The following ZNF90 variants were observed in gnomAD, a reference collection of about 807,000 sequenced individuals.
The protein encoded by ZNF90 is zinc finger protein HTF9.
ZNF90 carries 11 observed loss-of-function variants against 12.0 expected under a neutral mutation model. The observed-to-expected ratio is 0.92, with a 90% CI of 0.58 to 1.52. The LOEUF is 1.52. ZNF90 is among the 40% of genes most tolerant of loss of function. The probability of loss-of-function intolerance (pLI) is 0.00; values close to 1 mark genes in which losing one functional copy is unlikely to be tolerated. For missense variants in ZNF90, 765 were observed against 711.5 expected, an observed-to-expected ratio of 1.08 and a Z score of -0.86; for synonymous variants, 232 against 240.1, an observed-to-expected ratio of 0.97 and a Z score of 0.31.
chr19:20,095,208 G>A (rs112917923), intron 1 of ZNF90, among the ~76,000 whole-genome samples: 2 of 152,010 alleles, frequency 1.3e-5, no homozygotes, highest in Non-Finnish European at 1.5e-5. Context: ...GGGAGGGAAC[G>A]AAGTGTGAAA....
At chr19:20,108,330 G>C (rs1283789511) in intron 3 of ZNF90, among the ~76,000 whole-genome samples, 1 of 152,128 alleles carries the variant, frequency 6.6e-6, no homozygotes, top group Non-Finnish European at 1.5e-5. Context: ...ATTTTTTGGA[G>C]AAGTAGTTAC....
chr19:20,081,999 C>T (rs547505515), intron 1 of ZNF90, among the ~76,000 whole-genome samples: 7 of 152,020 alleles, frequency 4.6e-5, no homozygotes, highest in East Asian at 1.9e-4. Context: ...CTCCTGACCT[C>T]GTGATCCACC....
chr19:20,093,411 T>C (rs2088917938), intron 1 of ZNF90, among the ~76,000 whole-genome samples: 1 of 152,014 alleles, frequency 6.6e-6, no homozygotes, highest in African/African-American at 2.4e-5. Flanking sequence ...GGGATGGTAA[T>C]GGGCATGTGA....
chr19:20,106,621 T>C (rs1156899676), intron 3 of ZNF90, among the ~76,000 whole-genome samples: 1 of 152,138 alleles, frequency 6.6e-6, no homozygotes, highest in East Asian at 1.9e-4. Context: ...GCCCAGCTAA[T>C]TTTTTGTATT....
rs1555704366 is a variant in ZNF90, at chr19:20,106,044, C to CATTTTTTTTTTTTTTTT, written c.226+728_226+729insATTTTTTTTTTTTTTTT. ...TTATTTGGAACTTCTCTAATTTTTTCTTTTTTTTTTTTTTTTTTTTTTTGG... is the reference window on the plus strand; with the variant it reads ...TTATTTGGAACTTCTCTAATTTTTTCATTTTTTTTTTTTTTTTTTTTTTTTTTTTTTTTTTTTTTTGG... On this transcript the variant is annotated intron_variant, in intron 3 of 3. Coordinates refer to ENST00000418063, the MANE Select transcript of ZNF90 (RefSeq NM_007138.2). Among the ~76,000 whole-genome samples, 8 of 71,052 alleles carry CATTTTTTTTTTTTTTTT rather than the reference C, an allele frequency of 1.1e-4. 1 individual carries two copies. The highest frequency in any genetic ancestry group is 2.7e-4 in the African/African-American group (5 of 18,802). 46.6% of individuals were successfully genotyped at this position (71,052 alleles called of 152,430 possible). A position where few individuals can be genotyped will look rare whatever the true frequency, so the allele number is the denominator to read the frequency against.
chr19:20,108,451 A>G (rs1295617197), intron 3 of ZNF90, among the ~76,000 whole-genome samples: 1 of 152,146 alleles, frequency 6.6e-6, no homozygotes, highest in Non-Finnish European at 1.5e-5. Context: ...CTGTTATTAC[A>G]GGCACTTGCC....
At chr19:20,086,711 T>C (rs1203499096) in intron 1 of ZNF90, among the ~76,000 whole-genome samples, 5 of 152,228 alleles carry the variant, frequency 3.3e-5, no homozygotes, top group African/African-American at 1.2e-4. Context: ...ACTATATACA[T>C]TATGACTAGT....
intron 3 of ZNF90, among the ~76,000 whole-genome samples, chr19:20,114,487 ATCTG>A (rs1483285958): frequency 5.3e-5 from 8 of 152,166 alleles, no homozygotes; most frequent in Admixed American, 4.6e-4. Flanking sequence ...CTTATACAAT[ATCTG>A]TCTGTTTGTG....
In ZNF90 at chr19:20,112,648, G is replaced by A. The variant is rs145526267; in HGVS notation, c.227-5133G>A. Among the ~76,000 whole-genome samples the A allele has an allele frequency of 1.0e-3, 159 of 152,254 alleles. 1 individual carries two copies. Among genetic ancestry groups the A allele is most frequent in the Non-Finnish European group, 1.6e-3 (109 of 68,006 alleles). On this transcript the variant is annotated intron_variant, in intron 3 of 3. Transcript: ENST00000418063. The stretch of plus-strand genomic sequence containing the variant: ...CTTGTAGTACATCTTGTAGGACTGC[G>A]CAAATGCTGATGAACCCTCTTAACT...
At chr19:20,090,740 C>T in intron 1 of ZNF90, among the ~76,000 whole-genome samples, 2 of 152,130 alleles carry the variant, frequency 1.3e-5, no homozygotes, top group Non-Finnish European at 2.9e-5. Flanking sequence ...TGGGATGAGG[C>T]TGGGGCCAAG....
chr19:20,094,125 G>C (rs2088924085), intron 1 of ZNF90, among the ~76,000 whole-genome samples: 1 of 152,218 alleles, frequency 6.6e-6, no homozygotes, highest in Non-Finnish European at 1.5e-5. Flanking sequence ...ATGCTTGACT[G>C]CTGTGGCTTA....
At chr19:20,096,812 C>T (rs2088950931) in intron 1 of ZNF90, among the ~76,000 whole-genome samples, 1 of 152,150 alleles carries the variant, frequency 6.6e-6, no homozygotes, top group East Asian at 1.9e-4. Flanking sequence ...AGCAGGAGTG[C>T]TGTAGCCCCC....
At chr19:20,085,360 T>G (rs138981165) in intron 1 of ZNF90, among the ~76,000 whole-genome samples, 1 of 149,274 alleles carries the variant, frequency 6.7e-6, no homozygotes, top group Non-Finnish European at 1.5e-5. Context: ...CCCGGGTTCA[T>G]GCCATTCTCC....
chr19:20,110,604 C>G (rs1333105018), intron 3 of ZNF90, among the ~76,000 whole-genome samples: 2 of 152,128 alleles, frequency 1.3e-5, no homozygotes, highest in African/African-American at 2.4e-5. Flanking sequence ...AAATGAGGAA[C>G]ATTTATAACT....
chr19:20,093,914 G>A (rs568531541), intron 1 of ZNF90, among the ~76,000 whole-genome samples: 6 of 152,322 alleles, frequency 3.9e-5, no homozygotes, highest in African/African-American at 1.2e-4. Context: ...ATCTGGGAAG[G>A]AGTCAGTCAG....
At chr19:20,087,873 G>A (rs1410421514) in intron 1 of ZNF90, among the ~76,000 whole-genome samples, 2 of 152,262 alleles carry the variant, frequency 1.3e-5, no homozygotes, top group East Asian at 3.9e-4. Flanking sequence ...TTCTCTGGTG[G>A]ACAGGAATGG....
At chr19:20,099,284 T>C (rs1214511997) in intron 1 of ZNF90, among the ~76,000 whole-genome samples, 1 of 152,140 alleles carries the variant, frequency 6.6e-6, no homozygotes, top group Non-Finnish European at 1.5e-5. Flanking sequence ...AGCGATTCTC[T>C]TCCTTCAGCA....
intron 3 of ZNF90, among the ~76,000 whole-genome samples, chr19:20,112,233 A>AT (rs35771879): frequency 0.34 from 46,150 of 137,408 alleles, 10,631 homozygotes; most frequent in African/African-American, 0.65. Flanking sequence ...AATAATTTTG[A>AT]TTTTTTTTTT....
intron 3 of ZNF90, chr19:20,106,894 T>C (rs1364336086): frequency 2.6e-5 from 12 of 454,508 alleles, no homozygotes; most frequent in Non-Finnish European, 4.8e-5. Context: ...CCACCTTTAG[T>C]TGGCTTGTTA....
Sources: gnomAD v4.1 joint callset for allele counts (sites outside exome capture counted in the v4.1 genomes callset) on GRCh38, gnomAD v4.1.1 for gene constraint, MANE v1.5 for transcripts, NCBI Gene and HGNC (gene_info 2026-07-23, HGNC 2026-07-21) for gene names.